Variants in ANO4 observed in about 807,000 individuals in gnomAD.
ANO4 encodes the protein anoctamin-4.
Under a neutral mutation model 141.9 loss-of-function variants are expected in ANO4, and 69 were observed. The ratio of observed to expected loss-of-function variants is 0.49; its 90% CI spans 0.40 to 0.59. The LOEUF is 0.59. Ranked by LOEUF, ANO4 falls within the 20% of genes least tolerant of loss-of-function variation. The pLI is 0.00. For missense variants in ANO4, 894 were observed against 1,162.2 expected (o/e 0.77, Z 3.36); for synonymous variants, 350 against 394.3 (o/e 0.89, Z 1.33).
intron 10 of ANO4, 108 bp from the exon 11 acceptor site, chr12:101,039,847 C>T: frequency 8.0e-7 from 1 of 1,253,228 alleles, no homozygotes; most frequent in Non-Finnish European, 1.1e-6. Context: ...ATTTCTTTCT[C>T]ATACCACTCC....
intron 8 of ANO4, among the ~76,000 whole-genome samples, chr12:100,995,785 C>T (rs996777755): frequency 6.6e-5 from 10 of 152,112 alleles, no homozygotes; most frequent in African/African-American, 2.2e-4. Flanking sequence ...CCTACTAGAC[C>T]GTGAGCTACC....
intron 1 of ANO4, chr12:100,852,410 A>C (rs898783314): frequency 6.6e-6 from 1 of 152,234 alleles, no homozygotes; most frequent in African/African-American, 2.4e-5. Flanking sequence ...CAGCAGCTCA[A>C]GGAAGGCCTC....
intron 1 of ANO4, among the ~76,000 whole-genome samples, chr12:100,888,150 G>A (rs1162255762): frequency 2.0e-5 from 3 of 152,112 alleles, no homozygotes; most frequent in Non-Finnish European, 4.4e-5. Flanking sequence ...AAAAGTAAAC[G>A]GTAGCAAATG....
chr12:100,939,482 T>C, intron 4 of ANO4, 31 bp downstream of exon 4: 9 of 1,607,588 alleles, frequency 5.6e-6, no homozygotes, highest in Non-Finnish European at 4.3e-6. Flanking sequence ...ACAAATGTAA[T>C]TCGTGATCCA....
chr12:100,966,302 A>G (rs2043650740), intron 5 of ANO4, among the ~76,000 whole-genome samples: 1 of 152,224 alleles, frequency 6.6e-6, no homozygotes, highest in East Asian at 1.9e-4. Context: ...AATACGATTC[A>G]ATAAGATATG....
At chr12:101,025,403 G>T (rs1056219193) in intron 9 of ANO4, among the ~76,000 whole-genome samples, 1 of 152,182 alleles carries the variant, frequency 6.6e-6, no homozygotes, top group Non-Finnish European at 1.5e-5. Context: ...GGAAACAAAG[G>T]CAGCGAGAGT....
intron 25 of ANO4, among the ~76,000 whole-genome samples, chr12:101,118,757 G>A (rs2050957094): frequency 6.6e-6 from 1 of 151,968 alleles, no homozygotes; most frequent in African/African-American, 2.4e-5. Flanking sequence ...TAGAGTACAT[G>A]TGCACAGCAT....
intron 14 of ANO4, among the ~76,000 whole-genome samples, chr12:101,060,714 T>C (rs879855651): frequency 9.2e-5 from 14 of 152,232 alleles, no homozygotes; most frequent in Non-Finnish European, 1.5e-4. Flanking sequence ...TGCTTTTTTT[T>C]TCTTTCCATT....
intron 17 of ANO4, among the ~76,000 whole-genome samples, chr12:101,091,374 G>A (rs1251239565): frequency 2.0e-5 from 3 of 152,156 alleles, no homozygotes; most frequent in South Asian, 2.1e-4. Flanking sequence ...TCTCATCCCC[G>A]CACACACATT....
At chr12:101,056,334 A>G (rs530871719) in intron 14 of ANO4, among the ~76,000 whole-genome samples, 1 of 145,454 alleles carries the variant, frequency 6.9e-6, no homozygotes, top group African/African-American at 2.6e-5. Context: ...ATTTATGCCT[A>G]TATATTGGAT....
chr12:101,126,367 G>GA (rs1227240415), intron 26 of ANO4, among the ~76,000 whole-genome samples: 2 of 151,154 alleles, frequency 1.3e-5, no homozygotes, highest in East Asian at 3.9e-4. Context: ...TTACCAAAAA[G>GA]AAAAAAGCTT....
At chr12:101,106,027 A>T (rs989464572) in intron 22 of ANO4, among the ~76,000 whole-genome samples, 2 of 152,126 alleles carry the variant, frequency 1.3e-5, no homozygotes, top group Non-Finnish European at 2.9e-5. Context: ...AATCAGTTGA[A>T]CTGAGGAAGT....
intron 1 of ANO4, among the ~76,000 whole-genome samples, chr12:100,822,354 C>G (rs1253959519): frequency 6.6e-6 from 1 of 151,956 alleles, no homozygotes; most frequent in East Asian, 1.9e-4. Context: ...AGTCCCAACT[C>G]GAGTCTAACT....
intron 7 of ANO4, among the ~76,000 whole-genome samples, chr12:100,986,506 C>T (rs1302876243): frequency 6.6e-6 from 1 of 152,152 alleles, no homozygotes; most frequent in African/African-American, 2.4e-5. Flanking sequence ...AGACACACCT[C>T]AAAATAATGT....
intron 13 of ANO4, among the ~76,000 whole-genome samples, chr12:101,047,467 G>A (rs191742776): frequency 6.6e-6 from 1 of 152,152 alleles, no homozygotes; most frequent in East Asian, 1.9e-4. Flanking sequence ...GAAACTTCTG[G>A]AATAATCTGA....
intron 1 of ANO4, among the ~76,000 whole-genome samples, chr12:100,836,712 G>A (rs1479739424): frequency 1.3e-5 from 2 of 152,120 alleles, no homozygotes; most frequent in African/African-American, 4.8e-5. Context: ...GGAGGAAAAG[G>A]AAAAGGGATT....
chr12:101,116,619 G>C, intron 24 of ANO4, 60 bp from the exon 25 acceptor site: 2 of 1,611,530 alleles, frequency 1.2e-6, no homozygotes, highest in Non-Finnish European at 1.7e-6. Flanking sequence ...GGGTCTTCAG[G>C]GAACTGGATA....
At chr12:100,926,089 G>C (rs1457457387) in intron 3 of ANO4, among the ~76,000 whole-genome samples, 1 of 152,008 alleles carries the variant, frequency 6.6e-6, no homozygotes, top group Non-Finnish European at 1.5e-5. Flanking sequence ...CTATGTGATA[G>C]AGTCAATATT....
chr12:100,926,595 G>C (rs961323639), intron 3 of ANO4, among the ~76,000 whole-genome samples: 1 of 144,342 alleles, frequency 6.9e-6, no homozygotes, highest in African/African-American at 2.8e-5. Context: ...GTATAACAAG[G>C]GTGTGTTTGT....
Sources: allele counts gnomAD v4.1 joint callset (sites outside exome capture counted in the v4.1 genomes callset), GRCh38; gene constraint gnomAD v4.1.1; transcripts MANE v1.5; gene names NCBI Gene and HGNC (gene_info 2026-07-23, HGNC 2026-07-21).